Variants in LRMDA observed in about 807,000 individuals in gnomAD.
LRMDA encodes the protein leucine-rich melanocyte differentiation-associated protein.
Under a neutral mutation model 29.8 loss-of-function variants are expected in LRMDA, and 18 were observed. The observed-to-expected ratio is 0.60, with a 90% CI of 0.42 to 0.90. The LOEUF is 0.90. Ranked by LOEUF, LRMDA falls within the 40% of genes least tolerant of loss-of-function variation. The pLI, the probability that LRMDA is intolerant of heterozygous loss-of-function variation, is 0.00. For synonymous variants in LRMDA, 125 were observed against 109.4 expected, an observed-to-expected ratio of 1.14 and a Z score of -0.89; for missense variants, 273 against 273.9, an observed-to-expected ratio of 1.00 and a Z score of 0.02.
chr10:75,480,445 G>A (rs956886991), intron 2 of LRMDA, among the ~76,000 whole-genome samples: 8 of 151,726 alleles, frequency 5.3e-5, no homozygotes, highest in African/African-American at 1.9e-4. Context: ...TGAAAAAGCA[G>A]GCGGCATGTC....
intron 6 of LRMDA, among the ~76,000 whole-genome samples, chr10:76,366,773 G>T (rs1841396278): frequency 6.6e-6 from 1 of 152,122 alleles, no homozygotes. Flanking sequence ...GCTCTGGCTA[G>T]GACTTCCAGT....
chr10:76,538,365 T>G (rs1179326825), intron 6 of LRMDA, among the ~76,000 whole-genome samples: 2 of 151,432 alleles, frequency 1.3e-5, no homozygotes, highest in Non-Finnish European at 2.9e-5. Context: ...TTTTTAACCT[T>G]GTTTTTACTT....
chr10:75,505,319 G>T (rs922172206), intron 2 of LRMDA, among the ~76,000 whole-genome samples: 1 of 152,080 alleles, frequency 6.6e-6, no homozygotes, highest in Non-Finnish European at 1.5e-5. Flanking sequence ...GGTTATAGCT[G>T]GCTCACTAGT....
rs193146634 is a variant in LRMDA at position 75,953,251 on chromosome 10, A to C, written c.132-82757A>C. On this transcript the variant is annotated intron_variant, in intron 2 of 6. Coordinates refer to ENST00000611255, the MANE Select transcript of LRMDA (RefSeq NM_001305581.2). ...CCATGCCCAGCTAATCGGTTTTTAA[A>C]ATTTTTTATAGAGATAGCGGTCTCA... is the stretch of plus-strand genomic sequence containing the variant. Among the ~76,000 whole-genome samples the C allele has an allele frequency of 2.2e-4, 33 of 151,312 alleles. No homozygotes were observed. In the East Asian group the frequency reaches 4.9e-3, roughly 23 times the overall value.
intron 6 of LRMDA, among the ~76,000 whole-genome samples, chr10:76,510,321 T>C (rs199894938): frequency 6.6e-6 from 1 of 152,184 alleles, no homozygotes; most frequent in East Asian, 1.9e-4. Flanking sequence ...TCCACCCACC[T>C]TGGCCTCCCA....
chr10:76,326,892 G>A (rs1164121003), intron 6 of LRMDA, among the ~76,000 whole-genome samples: 2 of 151,986 alleles, frequency 1.3e-5, no homozygotes, highest in Non-Finnish European at 2.9e-5. Context: ...GTAACATGTC[G>A]TATTTTGCTT....
Position 75,669,722 on chromosome 10 carries a change from A to G in LRMDA, c.131+231228A>G, listed in dbSNP as rs188509174. 1.1e-4 allele frequency among the ~76,000 whole-genome samples: 16 copies of G among 152,346 alleles called. No homozygotes were observed. In the East Asian group the frequency reaches 3.1e-3, roughly 29 times the overall value. On this transcript the variant is annotated intron_variant, in intron 2 of 6. Transcript: ENST00000611255. ...TTTAACCTTCAAAGACTAATAATTT[A>G]TTATTTGGTGTTACGCCTCAGTACT...
intron 6 of LRMDA, among the ~76,000 whole-genome samples, chr10:76,457,692 A>G (rs996873524): frequency 1.3e-5 from 2 of 152,212 alleles, no homozygotes; most frequent in African/African-American, 4.8e-5. Flanking sequence ...TAATGAATCA[A>G]CAAAATATCT....
intron 2 of LRMDA, among the ~76,000 whole-genome samples, chr10:75,912,179 C>CT (rs1845854014): frequency 6.6e-6 from 1 of 152,152 alleles, no homozygotes; most frequent in South Asian, 2.1e-4. Context: ...ATTTCCCCCC[C>CT]TTCCCTTTCT....
intron 2 of LRMDA, among the ~76,000 whole-genome samples, chr10:75,948,543 C>G (rs957125248): frequency 6.6e-6 from 1 of 152,144 alleles, no homozygotes; most frequent in African/African-American, 2.4e-5. Context: ...CCTGTTACGT[C>G]CATCAGGAAA....
At chr10:76,536,854 T>C (rs1157947232) in intron 6 of LRMDA, among the ~76,000 whole-genome samples, 2 of 152,284 alleles carry the variant, frequency 1.3e-5, no homozygotes, top group African/African-American at 4.8e-5. Flanking sequence ...TCTTCCCCAA[T>C]AAACTTTCAC....
intron 2 of LRMDA, chr10:75,642,326 A>G (rs947528894): frequency 2.0e-5 from 3 of 152,204 alleles, no homozygotes; most frequent in Non-Finnish European, 2.9e-5. Flanking sequence ...CCTGACTTCA[A>G]TGTCCAGAGG....
intron 5 of LRMDA, among the ~76,000 whole-genome samples, chr10:76,236,137 A>G (rs1182624003): frequency 6.6e-6 from 1 of 152,224 alleles, no homozygotes; most frequent in Non-Finnish European, 1.5e-5. Flanking sequence ...GAGGCAGGTT[A>G]GAACCCAGAC....
At chr10:76,432,972 A>G (rs1424321179) in intron 6 of LRMDA, among the ~76,000 whole-genome samples, 1 of 152,218 alleles carries the variant, frequency 6.6e-6, no homozygotes, top group Non-Finnish European at 1.5e-5. Flanking sequence ...ACAGAGGCCC[A>G]GGAAGAAGGA....
At chr10:76,106,428 T>C (rs1026259222) in intron 5 of LRMDA, among the ~76,000 whole-genome samples, 3 of 152,208 alleles carry the variant, frequency 2.0e-5, no homozygotes, top group Non-Finnish European at 2.9e-5. Flanking sequence ...TTATTGGTTC[T>C]TCAGGCAGTG....
intron 2 of LRMDA, among the ~76,000 whole-genome samples, chr10:76,017,276 A>C (rs1847894507): frequency 6.6e-6 from 1 of 152,216 alleles, no homozygotes; most frequent in Non-Finnish European, 1.5e-5. Context: ...AGGCTGGGGC[A>C]GACGCCATGT....
intron 2 of LRMDA, among the ~76,000 whole-genome samples, chr10:75,504,016 T>G (rs1470206481): frequency 2.5e-4 from 1 of 4,072 alleles, no homozygotes; most frequent in Admixed American, 3.2e-3. Flanking sequence ...ATTAATCCCA[T>G]TTTTTTTTTT....
rs1843582896 is a variant in LRMDA, at chr10:76,558,306, A to AAAG, written c.*1020_*1022dup. On this transcript the variant is annotated 3_prime_UTR_variant, in exon 7 of 7. Coordinates refer to ENST00000611255, the MANE Select transcript of LRMDA (RefSeq NM_001305581.2). ...GACTGTTGAAAACACCCACCAGACC[A>AAAG]AAGAGTTTTTATAGAAGGCACAAAC... The AAAG allele has an allele frequency of 6.6e-6, 1 of 152,188 alleles. No homozygotes were observed. The highest frequency in any genetic ancestry group is 1.5e-5 in the Non-Finnish European group (1 of 68,032). 9.4% of individuals were successfully genotyped at this position (152,188 alleles called of 1,614,324 possible).
intron 6 of LRMDA, among the ~76,000 whole-genome samples, chr10:76,450,705 A>G (rs758839146): frequency 6.6e-5 from 10 of 152,098 alleles, no homozygotes; most frequent in Non-Finnish European, 1.0e-4. Flanking sequence ...TTCTGTTTAT[A>G]TTGCCTCAAA....
Sources: allele counts gnomAD v4.1 joint callset (sites outside exome capture counted in the v4.1 genomes callset), GRCh38; gene constraint gnomAD v4.1.1; transcripts MANE v1.5; gene names NCBI Gene and HGNC (gene_info 2026-07-23, HGNC 2026-07-21).